Variants in TMEM161B observed in about 807,000 individuals in gnomAD.
TMEM161B encodes transmembrane protein 161B.
In TMEM161B, 34 loss-of-function variants were observed where a neutral mutation model predicts 61.8. The ratio of observed to expected loss-of-function variants is 0.55; its 90% CI spans 0.42 to 0.73. TMEM161B has a LOEUF of 0.73. Among genes scored for constraint, TMEM161B ranks in the 30% least tolerant of loss-of-function variants. TMEM161B has a pLI of 0.00. For missense variants in TMEM161B, 456 were observed against 558.5 expected, an observed-to-expected ratio of 0.82 and a Z score of 1.85; for synonymous variants, 167 against 192.8, an observed-to-expected ratio of 0.87 and a Z score of 1.11.
intron 1 of TMEM161B, among the ~76,000 whole-genome samples, chr5:88,251,216 G>C (rs1561416841): frequency 6.6e-6 from 1 of 152,058 alleles, no homozygotes. Context: ...CACAGGACCA[G>C]ATGAGTCATG....
chr5:88,239,299 G>A (rs1329992310), intron 2 of TMEM161B, among the ~76,000 whole-genome samples: 2 of 151,944 alleles, frequency 1.3e-5, no homozygotes. Flanking sequence ...AGACAAAGGA[G>A]ATAAGGAAGT....
At chr5:88,232,758 T>G (rs2112606881) in intron 2 of TMEM161B, among the ~76,000 whole-genome samples, 1 of 152,278 alleles carries the variant, frequency 6.6e-6, no homozygotes, top group Non-Finnish European at 1.5e-5. Context: ...TATTTTTTAG[T>G]AGAAATGGGG....
At chr5:88,187,431 T>A (rs1748416046), downstream of TMEM161B, among the ~76,000 whole-genome samples, 1 of 152,190 alleles carries the variant, frequency 6.6e-6, no homozygotes, top group African/African-American at 2.4e-5. Flanking sequence ...ATAACATTTA[T>A]ACAACATTGA....
At chr5:88,200,426 T>C (rs1744174733) in intron 9 of TMEM161B, 1 of 152,068 alleles carries the variant, frequency 6.6e-6, no homozygotes, top group Non-Finnish European at 1.5e-5. Context: ...TGGGGACCTA[T>C]AAACAATACT....
intron 1 of TMEM161B, among the ~76,000 whole-genome samples, chr5:88,255,771 A>G (rs1754909346): frequency 1.3e-5 from 2 of 152,190 alleles, no homozygotes. Flanking sequence ...CAAGAAATTT[A>G]ATGTCCTTCC....
At chr5:88,256,437 T>A (rs1261657588) in intron 1 of TMEM161B, among the ~76,000 whole-genome samples, 10 of 152,198 alleles carry the variant, frequency 6.6e-5, no homozygotes, top group Admixed American at 6.5e-4. Flanking sequence ...ATAGAAAATA[T>A]CTCTACAGGT....
intron 5 of TMEM161B, among the ~76,000 whole-genome samples, chr5:88,215,675 T>C (rs111483044): frequency 9.2e-5 from 14 of 152,336 alleles, no homozygotes; most frequent in African/African-American, 3.1e-4. Context: ...GAGATGTTAC[T>C]GTTTGATGCC....
chr5:88,249,682 A>C (rs1439955877), intron 1 of TMEM161B, among the ~76,000 whole-genome samples: 1 of 152,136 alleles, frequency 6.6e-6, no homozygotes, highest in Non-Finnish European at 1.5e-5. Flanking sequence ...TTAAGATAGC[A>C]AAAGACAATA....
chr5:88,222,385 A>G (rs1749164641), intron 4 of TMEM161B, among the ~76,000 whole-genome samples: 1 of 151,930 alleles, frequency 6.6e-6, no homozygotes, highest in Non-Finnish European at 1.5e-5. Context: ...TAGGTTTTCT[A>G]TTGTGATTGA....
downstream of TMEM161B, among the ~76,000 whole-genome samples, chr5:88,192,467 T>C (rs1419079491): frequency 6.6e-6 from 1 of 152,234 alleles, no homozygotes; most frequent in Non-Finnish European, 1.5e-5. Flanking sequence ...TTAGCTTTTA[T>C]TTTAATCCCA....
At chr5:88,262,179 A>G in intron 1 of TMEM161B, among the ~76,000 whole-genome samples, 1 of 148,668 alleles carries the variant, frequency 6.7e-6, no homozygotes, top group East Asian at 1.9e-4. Flanking sequence ...GTTCCACATC[A>G]TGTCATTAGG....
At chr5:88,260,282 T>C (rs1006640026) in intron 1 of TMEM161B, among the ~76,000 whole-genome samples, 2 of 152,232 alleles carry the variant, frequency 1.3e-5, no homozygotes, top group African/African-American at 4.8e-5. Context: ...TATTCCTCTC[T>C]TTGTATCCCA....
At chr5:88,253,713 G>C (rs1561420794) in intron 1 of TMEM161B, among the ~76,000 whole-genome samples, 1 of 151,830 alleles carries the variant, frequency 6.6e-6, no homozygotes, top group Non-Finnish European at 1.5e-5. Flanking sequence ...AAATTGAAGG[G>C]GTAAAAGTAA....
intron 5 of TMEM161B, among the ~76,000 whole-genome samples, chr5:88,210,431 G>A (rs1243276682): frequency 6.6e-6 from 1 of 152,124 alleles, no homozygotes. Context: ...GCAGTGATGT[G>A]CTGTGCACTG....
At chr5:88,268,681 G>A (rs751652587) in intron 1 of TMEM161B, 40 bp downstream of exon 1, 190 of 1,613,690 alleles carry the variant, frequency 1.2e-4, no homozygotes, top group Non-Finnish European at 1.6e-4. Context: ...CGCCCTTTTC[G>A]CCCCACCGTT....
intron 9 of TMEM161B, chr5:88,200,547 G>A (rs937853339): frequency 1.3e-5 from 2 of 152,050 alleles, no homozygotes; most frequent in East Asian, 1.9e-4. Context: ...ACAGAATAAG[G>A]TAGTGAACTA....
At chr5:88,208,395 T>C (rs1745975811) in intron 5 of TMEM161B, among the ~76,000 whole-genome samples, 1 of 152,074 alleles carries the variant, frequency 6.6e-6, no homozygotes, top group Non-Finnish European at 1.5e-5. Context: ...GGCAGCAGAA[T>C]GGCGTGAACC....
At chr5:88,185,632 T>G (rs1035166330), downstream of TMEM161B, among the ~76,000 whole-genome samples, 3 of 152,210 alleles carry the variant, frequency 2.0e-5, no homozygotes, top group East Asian at 5.8e-4. Context: ...CATAAACGTA[T>G]TTTTAAAGAC....
chr5:88,205,982 A>C (rs1745388388), intron 7 of TMEM161B, 28 bp from the exon 8 acceptor site: 1 of 1,444,290 alleles, frequency 6.9e-7, no homozygotes, highest in Non-Finnish European at 9.5e-7. Context: ...TAAAAAGCTG[A>C]TAAATTTTTA....
Sources: allele counts gnomAD v4.1 joint callset (sites outside exome capture counted in the v4.1 genomes callset), GRCh38; gene constraint gnomAD v4.1.1; transcripts MANE v1.5; gene names NCBI Gene and HGNC (gene_info 2026-07-23, HGNC 2026-07-21).